The following GABRG3 variants were observed in gnomAD, a reference collection of about 807,000 sequenced individuals.
The protein encoded by GABRG3 is gamma-aminobutyric acid type A receptor subunit gamma3.
In GABRG3, 25 loss-of-function variants were observed where a neutral mutation model predicts 48.8. The observed-to-expected ratio is 0.51, with a 90% confidence interval of 0.37 to 0.72. The LOEUF is 0.72. GABRG3 is among the 30% of genes least tolerant of loss of function. The pLI, the probability that GABRG3 is intolerant of heterozygous loss-of-function variation, is 0.00. For missense variants in GABRG3, 394 were observed against 577.9 expected (o/e 0.68, Z 3.26); for synonymous variants, 227 against 217.6 (o/e 1.04, Z -0.38).
rs72715908 is a variant in GABRG3, at chr15:26,976,357, G to A, written c.54-645G>A. 9.1e-3 allele frequency among the ~76,000 whole-genome samples: 1,389 copies of A among 152,346 alleles called. 11 individuals are homozygous for A. Among genetic ancestry groups the A allele is most frequent in the Middle Eastern group, 0.031 (9 of 294 alleles). On this transcript the variant is annotated intron_variant, in intron 1 of 9. Transcript: ENST00000615808. This position sits in a 1 kb window ranked among gnomAD's most constrained non-coding sequence, Gnocchi z 7.8. ...AGCCTGCTGTGCAGGAGATGAATCA[G>A]TTTGTGTTGACCGAGGCGTGCAAGA...
At chr15:27,246,083 CAT>C (rs1258337434) in intron 3 of GABRG3, among the ~76,000 whole-genome samples, 3 of 152,184 alleles carry the variant, frequency 2.0e-5, no homozygotes, top group Non-Finnish European at 4.4e-5. Flanking sequence ...GCCAGGCACT[CAT>C]GAGGGATCTG....
chr15:27,475,602 GTAA>G (rs1305832548), intron 5 of GABRG3, among the ~76,000 whole-genome samples: 4 of 151,714 alleles, frequency 2.6e-5, no homozygotes, highest in South Asian at 4.2e-4. Flanking sequence ...ATTGGTGATA[GTAA>G]TAATGGTGGT....
rs562339222 is a variant in GABRG3 at position 27,030,714 on chromosome 15, C to G, written c.270+3893C>G. Among the ~76,000 whole-genome samples, 4 of 152,134 alleles carry G rather than the reference C, an allele frequency of 2.6e-5. No individual in the cohort carries two copies. The South Asian group carries it at 8.3e-4, about 32-fold the overall frequency. The stretch of plus-strand genomic sequence containing the variant: ...GTTCTGACACTCTGTGCTATTGACC[C>G]CAAATCCTTTAATCTTCACAAGACC... On this transcript the variant is annotated intron_variant, in intron 3 of 9. Transcript: ENST00000615808.
chr15:27,480,613 G>A (rs753122646), intron 5 of GABRG3, 37 bp from the exon 6 acceptor site: 3 of 1,516,718 alleles, frequency 2.0e-6, no homozygotes, highest in Non-Finnish European at 1.8e-6. Flanking sequence ...TTATAAATGT[G>A]TACCTTCAAG....
chr15:27,316,566 T>G (rs1017561387), intron 3 of GABRG3, among the ~76,000 whole-genome samples: 1 of 152,194 alleles, frequency 6.6e-6, no homozygotes, highest in Non-Finnish European at 1.5e-5. Flanking sequence ...AACTGCACGG[T>G]AAATGTCAAC....
chr15:27,307,006 G>GCATGTTTATATATAAACATA lies in GABRG3; in HGVS notation c.271-19803_271-19802insCATGTTTATATATAAACATA, dbSNP rs1566769766. 2.5e-5 allele frequency among the ~76,000 whole-genome samples: 2 copies of GCATGTTTATATATAAACATA among 78,598 alleles called. 1 individual carries two copies. 51.6% of individuals were successfully genotyped at this position (78,598 alleles called of 152,430 possible). On this transcript the variant is annotated intron_variant, in intron 3 of 9. Coordinates refer to ENST00000615808, the MANE Select transcript of GABRG3 (RefSeq NM_033223.5). The stretch of plus-strand genomic sequence containing the variant: ...TATAAACATGTTTATATATAAACAT[G>GCATGTTTATATATAAACATA]TATAAACATGTTTATATATAAACAT...
At chr15:27,181,536 G>C (rs1887931962) in intron 3 of GABRG3, among the ~76,000 whole-genome samples, 1 of 152,190 alleles carries the variant, frequency 6.6e-6, no homozygotes, top group South Asian at 2.1e-4. Context: ...GAAGATTTCT[G>C]TCTGAATGAA....
intron 5 of GABRG3, among the ~76,000 whole-genome samples, chr15:27,429,831 A>G (rs1888398551): frequency 6.6e-6 from 1 of 152,232 alleles, no homozygotes; most frequent in Admixed American, 6.5e-5. Context: ...TGGCTGATGG[A>G]CATTTGGATT....
intron 1 of GABRG3, among the ~76,000 whole-genome samples, chr15:26,973,616 G>C (rs1223744409): frequency 6.6e-6 from 1 of 152,200 alleles, no homozygotes; most frequent in Non-Finnish European, 1.5e-5. Context: ...TGATGGCTCA[G>C]CAGCTCCCCA....
Position 27,165,110 on chromosome 15 carries a change from A to G in GABRG3, c.270+138289A>G, listed in dbSNP as rs191708832. Among the ~76,000 whole-genome samples, 36 of 152,334 alleles carry G rather than the reference A, an allele frequency of 2.4e-4. No individual in the cohort carries two copies. In the East Asian group the frequency reaches 6.4e-3, roughly 27 times the overall value. On this transcript the variant is annotated intron_variant, in intron 3 of 9. Coordinates refer to ENST00000615808, the MANE Select transcript of GABRG3 (RefSeq NM_033223.5). The stretch of plus-strand genomic sequence containing the variant: ...AAAAATATAGAATTTAGAATTTGAC[A>G]TACCAAAAACTGATGGTTCTTGAGA...
intron 3 of GABRG3, among the ~76,000 whole-genome samples, chr15:27,063,415 G>A (rs1038376038): frequency 6.6e-6 from 1 of 152,202 alleles, no homozygotes; most frequent in African/African-American, 2.4e-5. Flanking sequence ...ATCATGGGGA[G>A]GATCCCTCAC....
At chr15:27,513,882 G>A (rs1011136431) in intron 6 of GABRG3, among the ~76,000 whole-genome samples, 9 of 152,136 alleles carry the variant, frequency 5.9e-5, no homozygotes, top group Admixed American at 5.9e-4. Context: ...AAATATACAT[G>A]TATCAAGAAC....
chr15:26,998,423 A>T (rs768605810), intron 2 of GABRG3, among the ~76,000 whole-genome samples: 1 of 152,200 alleles, frequency 6.6e-6, no homozygotes, highest in Non-Finnish European at 1.5e-5. Flanking sequence ...CAGCAGCCCA[A>T]TACTCCCAGA....
chr15:27,045,054 C>T (rs1027002057), intron 3 of GABRG3, among the ~76,000 whole-genome samples: 1 of 152,092 alleles, frequency 6.6e-6, no homozygotes, highest in Non-Finnish European at 1.5e-5. Context: ...TAAAATAAAG[C>T]CTAGAAGATG....
At chr15:26,995,349 G>C (rs1244815234) in intron 2 of GABRG3, among the ~76,000 whole-genome samples, 1 of 151,832 alleles carries the variant, frequency 6.6e-6, no homozygotes, top group Non-Finnish European at 1.5e-5. Context: ...TTTGAATTTA[G>C]AATGTGTCTC....
intron 2 of GABRG3, among the ~76,000 whole-genome samples, chr15:27,017,186 T>C (rs1453090218): frequency 1.3e-5 from 2 of 152,184 alleles, no homozygotes; most frequent in African/African-American, 2.4e-5. Context: ...CTTTCACCAG[T>C]CAGCATGGCC....
chr15:27,197,464 C>T (rs906586011), intron 3 of GABRG3, among the ~76,000 whole-genome samples: 41 of 131,604 alleles, frequency 3.1e-4, no homozygotes, highest in Admixed American at 1.0e-3. Flanking sequence ...TTTCCTTTAA[C>T]GGCTATTTTT....
chr15:26,994,637 A>G (rs1404644249), intron 2 of GABRG3, among the ~76,000 whole-genome samples: 1 of 151,992 alleles, frequency 6.6e-6, no homozygotes, highest in Non-Finnish European at 1.5e-5. Context: ...CATCACAGTT[A>G]GTGTTATACT....
intron 5 of GABRG3, among the ~76,000 whole-genome samples, chr15:27,353,376 A>G (rs1193991299): frequency 3.3e-5 from 5 of 151,998 alleles, no homozygotes; most frequent in African/African-American, 1.2e-4. Flanking sequence ...CTCTTCTCTT[A>G]CACCGGTGAA....
Sources: gnomAD v4.1 joint callset for allele counts (sites outside exome capture counted in the v4.1 genomes callset) on GRCh38, gnomAD v4.1.1 for gene constraint, Gnocchi (gnomAD v3.1) non-coding constraint, MANE v1.5 for transcripts, NCBI Gene and HGNC (gene_info 2026-07-23, HGNC 2026-07-21) for gene names.